TTC39B: variants seen among roughly 807,000 people sequenced by gnomAD.
The protein encoded by TTC39B is tetratricopeptide repeat domain 39B, also known as tetratricopeptide repeat protein 39B.
TTC39B carries 92 observed loss-of-function variants against 96.6 expected under a neutral mutation model. The ratio of observed to expected loss-of-function variants is 0.95; its 90% CI spans 0.80 to 1.13. The LOEUF (loss-of-function observed/expected upper bound fraction) is 1.13, where lower values mean the gene tolerates loss of function less well. Ranked by LOEUF, TTC39B falls within the 50% of genes most tolerant of loss-of-function variation. The pLI is 0.00. For synonymous variants in TTC39B, 367 were observed against 299.4 expected (o/e 1.23, Z -2.33); for missense variants, 955 against 809.3 (o/e 1.18, Z -2.18).
At chr9:15,284,979 C>G (rs916580784) in intron 1 of TTC39B, among the ~76,000 whole-genome samples, 3 of 151,988 alleles carry the variant, frequency 2.0e-5, no homozygotes, top group African/African-American at 7.3e-5. Flanking sequence ...AAGATCCTTT[C>G]GGCCGAGCTC....
At chr9:15,262,125 G>T (rs1586974381) in intron 2 of TTC39B, among the ~76,000 whole-genome samples, 1 of 151,890 alleles carries the variant, frequency 6.6e-6, no homozygotes, top group Non-Finnish European at 1.5e-5. Flanking sequence ...TTGAGATGGA[G>T]TCTTGCTCTG....
At chr9:15,180,186 G>C (rs1818174680) in intron 17 of TTC39B, among the ~76,000 whole-genome samples, 1 of 152,154 alleles carries the variant, frequency 6.6e-6, no homozygotes, top group Non-Finnish European at 1.5e-5. Flanking sequence ...ACTACAAAAA[G>C]TATCTATGCT....
chr9:15,259,301 T>A (rs181627291), intron 2 of TTC39B, among the ~76,000 whole-genome samples: 2 of 152,328 alleles, frequency 1.3e-5, no homozygotes, highest in Non-Finnish European at 1.5e-5. Flanking sequence ...ACCACCAACC[T>A]GATCCACTTA....
chr9:15,199,996 TTG>T, intron 7 of TTC39B, 71 bp from the exon 8 acceptor site: 1 of 829,280 alleles, frequency 1.2e-6, no homozygotes, highest in South Asian at 1.9e-5. Context: ...AGTTGTGTGT[TTG>T]TGTGATTAGA....
chr9:15,219,951 G>A (rs1280582418), intron 3 of TTC39B, among the ~76,000 whole-genome samples: 1 of 152,154 alleles, frequency 6.6e-6, no homozygotes, highest in African/African-American at 2.4e-5. Context: ...ACGCATCTAA[G>A]CTATAATACA....
At chr9:15,230,324 C>CT (rs75570777) in intron 2 of TTC39B, among the ~76,000 whole-genome samples, 23,858 of 152,124 alleles carry the variant, frequency 0.16, 2,920 homozygotes, top group East Asian at 0.59. Context: ...TCACCACAAT[C>CT]TAATTTTATA....
chr9:15,185,286 A>G (rs780308670), exon 16 of TTC39B: 29 of 1,611,550 alleles, frequency 1.8e-5, no homozygotes, highest in Non-Finnish European at 1.1e-5. Flanking sequence ...ATACCAGGGC[A>G]GGTAAGATGA....
rs755983649 is a variant in TTC39B, at chr9:15,199,868, T to C, written c.817A>G (p.Ile273Val). Reference sequence around the variant, plus strand: ...TCTTACTTTTTAACTTACTTATATATTTGGTAACTTGTTCTAATTTTGAGT... The same window carrying C: ...TCTTACTTTTTAACTTACTTATATACTTGGTAACTTGTTCTAATTTTGAGT... The change falls in exon 8 of 20, where the codon ATA (isoleucine) becomes GTA (valine). Residue 273 changes from isoleucine (I) to valine (V), a missense_variant. Coordinates refer to ENST00000512701, the Ensembl canonical transcript of TTC39B. 5 of 1,530,916 alleles carry C rather than the reference T, an allele frequency of 3.3e-6. No homozygotes were observed. In the African/African-American group the frequency reaches 5.5e-5, roughly 17 times the overall value. The allele number at this position is 1,530,916 out of a possible 1,614,324, so 94.8% of individuals were successfully genotyped here.
rs1278782449 is a variant in TTC39B, at chr9:15,283,855, TAA to T, written c.241-15909_241-15908del. Among the ~76,000 whole-genome samples, 4 of 152,056 alleles carry T rather than the reference TAA, an allele frequency of 2.6e-5. No homozygotes were observed. The East Asian group carries it at 7.7e-4, about 29-fold the overall frequency. On this transcript the variant is annotated intron_variant, in intron 1 of 19. Transcript: ENST00000512701. Reference sequence around the variant, plus strand: ...TTAAACCCATATACAAGTTTCCATATAAAGAGATAAATATAAAAATTTTAAAA... The same window carrying T: ...TTAAACCCATATACAAGTTTCCATATAGAGATAAATATAAAAATTTTAAAA...
chr9:15,192,790 G>A (rs1389440713), intron 8 of TTC39B, 95 bp from the exon 9 acceptor site: 3 of 814,072 alleles, frequency 3.7e-6, no homozygotes, highest in Middle Eastern at 2.5e-4. Context: ...TAAAATAAAT[G>A]TCATTAATTA....
At chr9:15,195,968 A>C (rs1819142931) in intron 8 of TTC39B, among the ~76,000 whole-genome samples, 1 of 152,208 alleles carries the variant, frequency 6.6e-6, no homozygotes, top group African/African-American at 2.4e-5. Flanking sequence ...TTACCATTCC[A>C]AATATCCTAA....
intron 16 of TTC39B, 43 bp from the exon 17 acceptor site, chr9:15,182,458 A>G (rs1818298835): frequency 1.5e-6 from 2 of 1,356,396 alleles, no homozygotes; most frequent in Non-Finnish European, 2.1e-6. Flanking sequence ...ATATGAGGTT[A>G]TTCAATGTCC....
intron 1 of TTC39B, among the ~76,000 whole-genome samples, chr9:15,301,335 T>C (rs1234329277): frequency 1.3e-5 from 2 of 152,236 alleles, no homozygotes; most frequent in African/African-American, 4.8e-5. Context: ...TACAGTGACT[T>C]GTGTTAAGTG....
At chr9:15,300,259 A>G (rs1266789523) in intron 1 of TTC39B, among the ~76,000 whole-genome samples, 1 of 151,656 alleles carries the variant, frequency 6.6e-6, no homozygotes. Flanking sequence ...AATAAACTCT[A>G]CTCCTTCTCC....
At chr9:15,192,250 C>A (rs757140890) in intron 9 of TTC39B, among the ~76,000 whole-genome samples, 34 of 152,308 alleles carry the variant, frequency 2.2e-4, no homozygotes, top group Non-Finnish European at 4.3e-4. Context: ...TTATACTGGT[C>A]CCTCACACAT....
At chr9:15,238,529 A>AT (rs1420125186) in intron 2 of TTC39B, among the ~76,000 whole-genome samples, 1 of 152,214 alleles carries the variant, frequency 6.6e-6, no homozygotes, top group East Asian at 1.9e-4. Flanking sequence ...ACTGAATCCC[A>AT]TTTATGTTAG....
At chr9:15,185,499 CCAG>C (rs549431562) in intron 15 of TTC39B, 93 bp from the exon 16 acceptor site, 210 of 1,551,678 alleles carry the variant, frequency 1.4e-4, no homozygotes, top group Admixed American at 1.9e-4. Flanking sequence ...TCACAGACCA[CCAG>C]CAGCAGCAGC....
chr9:15,293,278 C>T (rs1384501997), intron 1 of TTC39B, among the ~76,000 whole-genome samples: 4 of 152,104 alleles, frequency 2.6e-5, no homozygotes, highest in Non-Finnish European at 5.9e-5. Flanking sequence ...TGTAAGTGCA[C>T]TATGATGCTG....
At chr9:15,230,906 A>T (rs979581856) in intron 2 of TTC39B, among the ~76,000 whole-genome samples, 1 of 151,320 alleles carries the variant, frequency 6.6e-6, no homozygotes. Flanking sequence ...AATTGCTTGA[A>T]CCCGGGAGGC....
Sources: allele counts gnomAD v4.1 joint callset (sites outside exome capture counted in the v4.1 genomes callset), GRCh38; gene constraint gnomAD v4.1.1; transcripts MANE v1.5; gene names NCBI Gene and HGNC (gene_info 2026-07-23, HGNC 2026-07-21).